LRRC4C: variants seen among roughly 807,000 people sequenced by gnomAD.
LRRC4C encodes leucine-rich repeat-containing protein 4C.
LRRC4C carries 5 observed loss-of-function variants against 33.6 expected under a neutral mutation model. The ratio of observed to expected loss-of-function variants is 0.15; its 90% CI spans 0.08 to 0.31. The LOEUF is 0.31. Ranked by LOEUF, LRRC4C falls within the 10% of genes least tolerant of loss-of-function variation. LRRC4C has a pLI of 1.00. For synonymous variants in LRRC4C, 329 were observed against 302.0 expected (o/e 1.09, Z -0.93); for missense variants, 560 against 796.7 (o/e 0.70, Z 3.58).
chr11:41,136,694 T>C (rs1746051102), intron 1 of LRRC4C, among the ~76,000 whole-genome samples: 1 of 152,166 alleles, frequency 6.6e-6, no homozygotes, highest in African/African-American at 2.4e-5. Context: ...TCTATGCACA[T>C]CTCGTTAGAC....
At chr11:40,870,004 T>A (rs902898243) in intron 2 of LRRC4C, among the ~76,000 whole-genome samples, 1 of 152,092 alleles carries the variant, frequency 6.6e-6, no homozygotes, top group Non-Finnish European at 1.5e-5. Context: ...GTTCATAACA[T>A]ACTGTGGTGC....
chr11:41,338,220 T>C (rs79668168), intron 1 of LRRC4C, among the ~76,000 whole-genome samples: 9,092 of 152,238 alleles, frequency 0.06, 313 homozygotes, highest in South Asian at 0.086. Flanking sequence ...TACAAATCAT[T>C]CTACTATAAA....
chr11:41,367,487 G>A (rs1952587340), intron 1 of LRRC4C, among the ~76,000 whole-genome samples: 1 of 152,094 alleles, frequency 6.6e-6, no homozygotes, highest in Admixed American at 6.6e-5. Context: ...CATAGTGAAA[G>A]GACTATGAGT....
At chr11:40,271,041 G>A (rs867567169) in intron 4 of LRRC4C, among the ~76,000 whole-genome samples, 1 of 152,144 alleles carries the variant, frequency 6.6e-6, no homozygotes, top group Non-Finnish European at 1.5e-5. Flanking sequence ...CCTTCAATTT[G>A]AGCAGCCTTT....
chr11:40,830,366 A>G (rs769289697), intron 2 of LRRC4C, among the ~76,000 whole-genome samples: 20 of 152,072 alleles, frequency 1.3e-4, no homozygotes, highest in Non-Finnish European at 2.6e-4. Flanking sequence ...AAGCAGTATT[A>G]TCAACTACTG....
At chr11:41,101,365 G>C (rs1346798083) in intron 1 of LRRC4C, among the ~76,000 whole-genome samples, 3 of 152,132 alleles carry the variant, frequency 2.0e-5, no homozygotes, top group Non-Finnish European at 2.9e-5. Context: ...CTCAAAAGGA[G>C]ATATACATGT....
chr11:40,706,067 T>C (rs1350914033), intron 2 of LRRC4C, among the ~76,000 whole-genome samples: 2 of 152,194 alleles, frequency 1.3e-5, no homozygotes, highest in Non-Finnish European at 2.9e-5. Flanking sequence ...GATTTTTTTT[T>C]CTTGTAAATT....
chr11:41,104,666 T>C (rs59074648), intron 1 of LRRC4C, among the ~76,000 whole-genome samples: 17,340 of 151,940 alleles, frequency 0.11, 1,070 homozygotes, highest in African/African-American at 0.17. Context: ...TATATAAATG[T>C]TCGTGGCAAC....
intron 3 of LRRC4C, among the ~76,000 whole-genome samples, chr11:40,331,619 A>G (rs531989739): frequency 1.4e-4 from 21 of 152,316 alleles, no homozygotes; most frequent in African/African-American, 5.1e-4. Context: ...CAGTGTGGGC[A>G]GGCATCATTC....
intron 1 of LRRC4C, among the ~76,000 whole-genome samples, chr11:41,173,376 C>T (rs968873577): frequency 6.6e-6 from 1 of 152,082 alleles, no homozygotes; most frequent in African/African-American, 2.4e-5. Context: ...TAAATTAAAG[C>T]CAACCTGAAA....
intron 5 of LRRC4C, among the ~76,000 whole-genome samples, chr11:40,203,630 C>T (rs1862927659): frequency 6.6e-6 from 1 of 152,142 alleles, no homozygotes; most frequent in Non-Finnish European, 1.5e-5. Flanking sequence ...TTTTAAATCC[C>T]TGAATTCTAC....
At chr11:40,831,780 T>C (rs1196676604) in intron 2 of LRRC4C, among the ~76,000 whole-genome samples, 1 of 151,968 alleles carries the variant, frequency 6.6e-6, no homozygotes, top group Non-Finnish European at 1.5e-5. Context: ...TATAAAACCA[T>C]TGGATCTCAT....
chr11:40,917,550 G>C (rs1166973007), intron 2 of LRRC4C, among the ~76,000 whole-genome samples: 1 of 152,060 alleles, frequency 6.6e-6, no homozygotes, highest in Non-Finnish European at 1.5e-5. Flanking sequence ...TATAACAACA[G>C]ACACAACAGA....
chr11:41,135,687 A>G (rs1943225232), intron 1 of LRRC4C, among the ~76,000 whole-genome samples: 1 of 152,188 alleles, frequency 6.6e-6, no homozygotes, highest in Non-Finnish European at 1.5e-5. Context: ...AGTGTCTGAC[A>G]TATAATAAAT....
At chr11:40,797,306 T>C (rs1177261620) in intron 2 of LRRC4C, among the ~76,000 whole-genome samples, 1 of 152,064 alleles carries the variant, frequency 6.6e-6, no homozygotes, top group Non-Finnish European at 1.5e-5. Context: ...CAAATGAATT[T>C]GGTTTTTGAA....
At chr11:41,285,304 T>G (rs1949790469) in intron 1 of LRRC4C, among the ~76,000 whole-genome samples, 1 of 152,182 alleles carries the variant, frequency 6.6e-6, no homozygotes, top group Non-Finnish European at 1.5e-5. Flanking sequence ...TCTTCACGTA[T>G]AAAACTGGGT....
chr11:41,377,422 A>G (rs1303781555), intron 1 of LRRC4C, among the ~76,000 whole-genome samples: 1 of 152,190 alleles, frequency 6.6e-6, no homozygotes, highest in East Asian at 1.9e-4. Flanking sequence ...AGAAGACACA[A>G]TACTTCTTTG....
chr11:40,220,569 A>G (rs75780422), intron 5 of LRRC4C, among the ~76,000 whole-genome samples: 9,116 of 152,158 alleles, frequency 0.06, 884 homozygotes, highest in African/African-American at 0.21. Context: ...ACTGTACAGA[A>G]TCATGTAAAA....
chr11:41,382,583 G>A (rs1054827845), intron 1 of LRRC4C, among the ~76,000 whole-genome samples: 1 of 151,816 alleles, frequency 6.6e-6, no homozygotes, highest in Non-Finnish European at 1.5e-5. Flanking sequence ...AAATTCAGGT[G>A]GAAAGAAAAT....
Sources: allele counts gnomAD v4.1 joint callset (sites outside exome capture counted in the v4.1 genomes callset), GRCh38; gene constraint gnomAD v4.1.1; transcripts MANE v1.5; gene names NCBI Gene and HGNC (gene_info 2026-07-23, HGNC 2026-07-21).